The following KLF15 variants were observed in gnomAD, a reference collection of about 807,000 sequenced individuals.
KLF15 encodes KLF transcription factor 15, also known as Krueppel-like factor 15.
Under a neutral mutation model 24.6 loss-of-function variants are expected in KLF15, and 4 were observed. That is an observed-to-expected ratio of 0.16 (90% CI 0.08 to 0.37). The LOEUF (loss-of-function observed/expected upper bound fraction) is 0.37. KLF15 is among the 10% of genes least tolerant of loss of function. The pLI, the probability that KLF15 is intolerant of heterozygous loss-of-function variation, is 1.00. For synonymous variants in KLF15, 246 were observed against 236.3 expected, an observed-to-expected ratio of 1.04 and a Z score of -0.37; for missense variants, 496 against 560.6, an observed-to-expected ratio of 0.88 and a Z score of 1.16.
rs576384165 is a variant in KLF15, at chr3:126,343,152, G to GCCCCCCCCCCCC, written c.*563_*574dup. ...CATGAGGGCCCAGCGGCCCGGTCCT[G>GCCCCCCCCCCCC]CCCCCCCCCCCCCCCCCCCCCCCCC... On this transcript the variant is annotated 3_prime_UTR_variant, in exon 3 of 3. Transcript: ENST00000296233. 1.7e-4 allele frequency: 2 copies of GCCCCCCCCCCCC among 11,922 alleles called. No individual in the cohort carries two copies. The highest frequency in any genetic ancestry group is 7.0e-4 in the African/African-American group (2 of 2,858). 0.7% of individuals were successfully genotyped at this position (11,922 alleles called of 1,614,324 possible).
chr3:126,299,273 G>A, the KLF15 span, among the ~76,000 whole-genome samples: 1 of 151,422 alleles, frequency 6.6e-6, no homozygotes, highest in East Asian at 1.9e-4. Context: ...GTTGTAAAAG[G>A]AATTGAGTTC....
chr3:126,296,635 C>A, the KLF15 span, among the ~76,000 whole-genome samples: 1 of 152,234 alleles, frequency 6.6e-6, no homozygotes, highest in Non-Finnish European at 1.5e-5. Flanking sequence ...ATCTGCAAGT[C>A]CAGCCGAGTG....
At chr3:126,307,281 T>G in the KLF15 span, among the ~76,000 whole-genome samples, 1 of 152,120 alleles carries the variant, frequency 6.6e-6, no homozygotes, top group East Asian at 1.9e-4. Flanking sequence ...CCATGTCCAG[T>G]GTGGCACTAT....
the KLF15 span, among the ~76,000 whole-genome samples, chr3:126,310,412 CA>C: frequency 6.6e-6 from 1 of 152,210 alleles, no homozygotes; most frequent in African/African-American, 2.4e-5. Context: ...CATTGGATAG[CA>C]CAGATGGCCC....
chr3:126,345,360 G>A (rs1250703291), intron 2 of KLF15, among the ~76,000 whole-genome samples: 1 of 151,826 alleles, frequency 6.6e-6, no homozygotes, highest in Non-Finnish European at 1.5e-5. Flanking sequence ...CCCATGACCA[G>A]CCCAATGCCT....
At chr3:126,291,526 G>A in the KLF15 span, among the ~76,000 whole-genome samples, 1 of 152,250 alleles carries the variant, frequency 6.6e-6, no homozygotes, top group African/African-American at 2.4e-5. Context: ...AAACTGTCAA[G>A]ACTTTGGCTG....
chr3:126,299,755 A>C, the KLF15 span, among the ~76,000 whole-genome samples: 2 of 144,548 alleles, frequency 1.4e-5, no homozygotes, highest in African/African-American at 5.4e-5. Flanking sequence ...CTCAAAAAAA[A>C]AAAAAAAAAA....
chr3:126,345,865 G>A (rs1341605718), intron 2 of KLF15, among the ~76,000 whole-genome samples: 1 of 152,248 alleles, frequency 6.6e-6, no homozygotes, highest in Non-Finnish European at 1.5e-5. Flanking sequence ...ACCAGGCACA[G>A]GGCAGTGCTT....
chr3:126,308,281 G>A, the KLF15 span, among the ~76,000 whole-genome samples: 2 of 152,218 alleles, frequency 1.3e-5, no homozygotes, highest in Non-Finnish European at 2.9e-5. Flanking sequence ...CCCCCAAGGA[G>A]CTGGAAAGCT....
chr3:126,351,885 C>T lies in KLF15; in HGVS notation c.1038G>A (p.Thr346=), dbSNP rs370720182. 1.2e-6 allele frequency: 2 copies of T among 1,614,100 alleles called. No individual in the cohort carries two copies. The highest frequency in any genetic ancestry group is 1.7e-5 in the Admixed American group (1 of 60,010). The part of the protein sequence containing the change: ...SHLKAHLRRH[T]GEKPFACTWP... ...AGGTGCAGGCGAAGGGCTTCTCACCCGTGTGCCGGCGCAGGTGGGCCTTGA... is the reference window on the plus strand; with the variant it reads ...AGGTGCAGGCGAAGGGCTTCTCACCTGTGTGCCGGCGCAGGTGGGCCTTGA... Residue 346 remains threonine (T), a synonymous_variant, in exon 2 of 3, where the codon ACG becomes ACA. Transcript: ENST00000296233.
chr3:126,352,883 A>G lies in KLF15; in HGVS notation c.40T>C (p.Ser14Pro). Residue 14 changes from serine to proline, a missense_variant, in exon 2 of 3, where the codon TCG (serine) becomes CCG (proline). Ser to Pro is a moderately conservative substitution (Grantham distance 74). This residue lies in a region of KLF15 where 399 missense variants were observed against 423.1 expected (regional missense o/e 0.94). Transcript: ENST00000296233. ...HLLPVDENFS[S>P]PKCPVGYLGD... Reference sequence around the variant, plus strand: ...AGATACCCAACTGGGCATTTTGGCGACGAGAAGTTCTCGTCCACTGGAAGT... The same window carrying G: ...AGATACCCAACTGGGCATTTTGGCGGCGAGAAGTTCTCGTCCACTGGAAGT... 1.9e-6 allele frequency: 3 copies of G among 1,611,660 alleles called. No individual in the cohort carries two copies. Among genetic ancestry groups the G allele is most frequent in the Non-Finnish European group, 2.5e-6 (3 of 1,179,180 alleles).
At chr3:126,346,499 C>T (rs2082536779) in intron 2 of KLF15, among the ~76,000 whole-genome samples, 1 of 152,206 alleles carries the variant, frequency 6.6e-6, no homozygotes, top group Non-Finnish European at 1.5e-5. Flanking sequence ...CCAATGAAGA[C>T]TCTGGCATTC....
At chr3:126,319,164 G>A in the KLF15 span, among the ~76,000 whole-genome samples, 2 of 152,118 alleles carry the variant, frequency 1.3e-5, no homozygotes, top group Non-Finnish European at 2.9e-5. Flanking sequence ...CCATCGTCTC[G>A]ATGTACCACA....
chr3:126,334,246 C>T, the KLF15 span, among the ~76,000 whole-genome samples: 3 of 151,854 alleles, frequency 2.0e-5, no homozygotes, highest in Middle Eastern at 0.01. Flanking sequence ...TGCGATCAAA[C>T]TAGAACTCAG....
chr3:126,339,940 G>C (rs928302071), downstream of KLF15, among the ~76,000 whole-genome samples: 2 of 152,172 alleles, frequency 1.3e-5, no homozygotes, highest in Non-Finnish European at 2.9e-5. Flanking sequence ...TGGCTCCTCT[G>C]TTCCCACAGA....
At chr3:126,353,605 C>T (rs539505652) in intron 1 of KLF15, among the ~76,000 whole-genome samples, 17 of 152,306 alleles carry the variant, frequency 1.1e-4, no homozygotes, top group East Asian at 3.9e-4. Flanking sequence ...TTAACTAGGC[C>T]GCCTGCATTT....
intron 2 of KLF15, among the ~76,000 whole-genome samples, chr3:126,350,474 T>C (rs977206795): frequency 1.3e-5 from 2 of 152,154 alleles, no homozygotes; most frequent in African/African-American, 4.8e-5. Flanking sequence ...TCTGGCCAGA[T>C]TGGCACTCAA....
At position 126,352,662 on chromosome 3, in the gene KLF15, G is replaced by A. The variant is rs1294102666; in HGVS notation, c.261C>T (p.Gly87=). 6 of 1,598,848 alleles carry A rather than the reference G, an allele frequency of 3.8e-6. No homozygotes were observed. The highest frequency in any genetic ancestry group is 1.1e-5 in the South Asian group (1 of 89,362). Residue 87 remains glycine, a synonymous_variant, in exon 2 of 3, where the codon GGC becomes GGT. Coordinates refer to ENST00000296233, the MANE Select transcript of KLF15 (RefSeq NM_014079.4). ...TGCTACTGCCGCTGCCCCCGCCACT[G>A]CCCAGCGTGGCCTGGGACAATAGGA... The part of the protein sequence containing the change: ...LDFLLSQATL[G]SGGGSGSSIG...
chr3:126,292,884 T>C, the KLF15 span, among the ~76,000 whole-genome samples: 1 of 151,842 alleles, frequency 6.6e-6, no homozygotes, highest in African/African-American at 2.4e-5. Flanking sequence ...ACAAATCTGA[T>C]GGAGGTTTAA....
Sources: gnomAD v4.1 joint callset for allele counts (sites outside exome capture counted in the v4.1 genomes callset) on GRCh38, gnomAD v4.1.1 for gene constraint, gnomAD v4.1.1 regional missense constraint, MANE v1.5 for transcripts, NCBI Gene and HGNC (gene_info 2026-07-23, HGNC 2026-07-21) for gene names.